Variants in LPA observed in about 807,000 individuals in gnomAD.
The protein encoded by LPA is apolipoprotein(a).
LPA carries 199 observed loss-of-function variants against 197.9 expected under a neutral mutation model. The ratio of observed to expected loss-of-function variants is 1.01; its 90% CI spans 0.90 to 1.13. LPA has a LOEUF of 1.13. LPA is among the 50% of genes most tolerant of loss of function. LPA has a pLI of 0.00. For synonymous variants in LPA, 715 were observed against 639.5 expected, an observed-to-expected ratio of 1.12 and a Z score of -1.78; for missense variants, 1,853 against 1,785.8, an observed-to-expected ratio of 1.04 and a Z score of -0.68.
intron 1 of LPA, among the ~76,000 whole-genome samples, chr6:160,657,325 C>A (rs1223116876): frequency 6.6e-6 from 1 of 152,010 alleles, no homozygotes; most frequent in Non-Finnish European, 1.5e-5. Flanking sequence ...TAAACCAAGG[C>A]ATTTCCAGCT....
intron 1 of LPA, among the ~76,000 whole-genome samples, chr6:160,652,248 T>C (rs553136810): frequency 6.6e-6 from 1 of 151,864 alleles, no homozygotes; most frequent in East Asian, 1.9e-4. Context: ...AAGTTAATAA[T>C]AAACAAATTA....
At chr6:160,600,095 C>G (rs754135412) in intron 19 of LPA, among the ~76,000 whole-genome samples, 5 of 152,018 alleles carry the variant, frequency 3.3e-5, no homozygotes, top group African/African-American at 7.3e-5. Flanking sequence ...TGCATGTGTC[C>G]CTAGATGATT....
At chr6:160,650,533 T>C (rs1318061566) in intron 1 of LPA, 36 bp from the exon 2 acceptor site, 3 of 1,607,086 alleles carry the variant, frequency 1.9e-6, no homozygotes, top group Non-Finnish European at 2.6e-6. Flanking sequence ...GCTGAATAGT[T>C]CTTAGAACAG....
intron 18 of LPA, among the ~76,000 whole-genome samples, chr6:160,603,052 G>A (rs1297504191): frequency 7.4e-6 from 1 of 135,760 alleles, no homozygotes; most frequent in East Asian, 2.2e-4. Flanking sequence ...TCTTGAATCT[G>A]TGGTTTTTAA....
chr6:160,658,389 C>T (rs41269862), intron 1 of LPA, among the ~76,000 whole-genome samples: 2,465 of 152,254 alleles, frequency 0.016, 66 homozygotes, highest in African/African-American at 0.057. Flanking sequence ...AATTTCAACT[C>T]TTTCTCTACA....
intron 28 of LPA, among the ~76,000 whole-genome samples, chr6:160,572,723 A>T (rs1372259140): frequency 6.6e-6 from 1 of 152,202 alleles, no homozygotes; most frequent in Non-Finnish European, 1.5e-5. Context: ...TGAGGAGGCT[A>T]TGATAGGGCT....
At chr6:160,610,848 T>A (rs1184052626) in intron 16 of LPA, among the ~76,000 whole-genome samples, 1 of 152,140 alleles carries the variant, frequency 6.6e-6, no homozygotes, top group East Asian at 1.9e-4. Context: ...CTCTCAATTC[T>A]CTAGGTCCTC....
chr6:160,647,643 A>C (rs1382399828), intron 2 of LPA, among the ~76,000 whole-genome samples: 2 of 152,204 alleles, frequency 1.3e-5, no homozygotes, highest in Non-Finnish European at 2.9e-5. Flanking sequence ...TGATTGCTCT[A>C]GGATTTGCAA....
intron 28 of LPA, among the ~76,000 whole-genome samples, chr6:160,564,514 G>T (rs1778416189): frequency 6.6e-6 from 1 of 152,144 alleles, no homozygotes; most frequent in Admixed American, 6.6e-5. Flanking sequence ...GGGACCTTGT[G>T]ATCGTGAGAG....
At chr6:160,562,515 T>C (rs1414341026) in intron 28 of LPA, among the ~76,000 whole-genome samples, 4 of 152,224 alleles carry the variant, frequency 2.6e-5, no homozygotes, top group African/African-American at 9.6e-5. Flanking sequence ...TCAGGGATGT[T>C]GGCCTGAAAT....
intron 18 of LPA, 66 bp downstream of exon 18, chr6:160,604,980 C>A: frequency 6.2e-7 from 1 of 1,604,516 alleles, no homozygotes; most frequent in Non-Finnish European, 8.5e-7. Flanking sequence ...CAGCTTGAAG[C>A]ATGACTCTAC....
At chr6:160,659,526 A>G (rs969371175) in intron 1 of LPA, among the ~76,000 whole-genome samples, 1 of 152,228 alleles carries the variant, frequency 6.6e-6, no homozygotes, top group African/African-American at 2.4e-5. Context: ...AGCTCACAAG[A>G]AAGAGAAACT....
At chr6:160,588,143 A>G (rs1468565558) in intron 24 of LPA, among the ~76,000 whole-genome samples, 1 of 152,130 alleles carries the variant, frequency 6.6e-6, no homozygotes, top group Non-Finnish European at 1.5e-5. Context: ...CCAGTTATGT[A>G]TCACAGTGAA....
chr6:160,571,469 C>A (rs755118982), intron 28 of LPA, among the ~76,000 whole-genome samples: 6 of 152,206 alleles, frequency 3.9e-5, no homozygotes, highest in Admixed American at 2.0e-4. Context: ...TGGAGCTGCA[C>A]TCACAGCCAC....
At chr6:160,637,540 AGTTTGTGT>A (rs1427568901) in intron 6 of LPA, among the ~76,000 whole-genome samples, 2,256 of 13,890 alleles carry the variant, frequency 0.16, 1 homozygote, top group African/African-American at 0.19. Context: ...GTGTGTTTTC[AGTTTGTGT>A]GTGTGTGTGT....
Position 160,593,252 on chromosome 6 carries a change from T to C in LPA, c.3629+706A>G, listed in dbSNP as rs1779064458. Among the ~76,000 whole-genome samples, 3 of 152,162 alleles carry C rather than the reference T, an allele frequency of 2.0e-5. No individual in the cohort carries two copies. The South Asian group carries it at 6.2e-4, about 32-fold the overall frequency. The stretch of plus-strand genomic sequence containing the variant: ...AGGGACATGATAAGGTTGATCTCCT[T>C]TGATTCCCTTTCTGAATTTTCTCAG... On this transcript the variant is annotated intron_variant, in intron 22 of 38. Transcript: ENST00000316300.
chr6:160,602,943 T>A (rs1407660538), intron 18 of LPA, among the ~76,000 whole-genome samples: 1 of 151,968 alleles, frequency 6.6e-6, no homozygotes, highest in African/African-American at 2.4e-5. Flanking sequence ...CTTGTTATTA[T>A]ATCTTTGCCT....
At chr6:160,582,268 T>C (rs1778816131) in intron 26 of LPA, among the ~76,000 whole-genome samples, 1 of 152,000 alleles carries the variant, frequency 6.6e-6, no homozygotes, top group Non-Finnish European at 1.5e-5. Flanking sequence ...CTTTTCTTCT[T>C]CTTACTACTC....
At chr6:160,545,619 T>C (rs1778056794) in intron 32 of LPA, 86 bp from the exon 33 acceptor site, 1 of 820,688 alleles carries the variant, frequency 1.2e-6, no homozygotes, top group East Asian at 2.4e-5. Flanking sequence ...TTCACATCTA[T>C]TCTTAGAAGA....
Sources: allele counts gnomAD v4.1 joint callset (sites outside exome capture counted in the v4.1 genomes callset), GRCh38; gene constraint gnomAD v4.1.1; transcripts MANE v1.5; gene names NCBI Gene and HGNC (gene_info 2026-07-23, HGNC 2026-07-21).